The following CDH23 variants were observed in gnomAD, a reference collection of about 807,000 sequenced individuals.
CDH23 encodes cadherin related 23.
Under a neutral mutation model 317.1 loss-of-function variants are expected in CDH23, and 189 were observed. The ratio of observed to expected loss-of-function variants is 0.60; its 90% CI spans 0.53 to 0.67. The LOEUF (loss-of-function observed/expected upper bound fraction) is 0.67. CDH23 is among the 30% of genes least tolerant of loss of function. The pLI is 0.00. For synonymous variants in CDH23, 1,839 were observed against 1,876.8 expected (o/e 0.98, Z 0.52); for missense variants, 4,401 against 4,592.4 (o/e 0.96, Z 1.20).
rs764799502 is a variant in CDH23 at position 71,805,910 on chromosome 10, G to A, written c.7977G>A (p.Arg2659=). Residue 2659 remains arginine (R), a synonymous_variant, in exon 56 of 70, where the codon CGG becomes CGA. Transcript: ENST00000224721. ...GCTTCCTGAAGACTGCGGGCAACCG[G>A]GACTGGGAGTTCTTCATCATCGACC... The part of the protein sequence containing the change: ...RYSFLKTAGN[R]DWEFFIIDPI... 1.2e-6 allele frequency: 2 copies of A among 1,613,704 alleles called. No individual in the cohort carries two copies. Among genetic ancestry groups the A allele is most frequent in the South Asian group, 2.2e-5 (2 of 90,968 alleles).
intron 38 of CDH23, chr10:71,760,836 A>G (rs776961306): frequency 6.3e-7 from 1 of 1,599,708 alleles, no homozygotes; most frequent in South Asian, 1.1e-5. Flanking sequence ...GAAAACAGAG[A>G]ACCCAAAAGG....
At chr10:71,670,101 A>G (rs1864082257) in intron 14 of CDH23, among the ~76,000 whole-genome samples, 1 of 152,238 alleles carries the variant, frequency 6.6e-6, no homozygotes, top group African/African-American at 2.4e-5. Context: ...CTGCTCCTGC[A>G]CATCCTCTGT....
Position 71,487,842 on chromosome 10 carries a change from C to T in CDH23, c.146-22240C>T, listed in dbSNP as rs558637602. Among the ~76,000 whole-genome samples the T allele has an allele frequency of 7.9e-5, 12 of 152,312 alleles. No homozygotes were observed. The South Asian group carries it at 2.5e-3, about 32-fold the overall frequency. On this transcript the variant is annotated intron_variant, in intron 3 of 69. Coordinates refer to ENST00000224721, the MANE Select transcript of CDH23 (RefSeq NM_022124.6). ...TCCTCAGGCCAGCTACTATTCTCACCTCTCTCCTTCTCCCACCCCATGCAT... is the reference window on the plus strand; with the variant it reads ...TCCTCAGGCCAGCTACTATTCTCACTTCTCTCCTTCTCCCACCCCATGCAT...
chr10:71,540,114 C>T (rs1222331115), intron 6 of CDH23, among the ~76,000 whole-genome samples: 1 of 152,178 alleles, frequency 6.6e-6, no homozygotes, highest in African/African-American at 2.4e-5. Context: ...GGATGTGGGG[C>T]ATAGGCCATC....
chr10:71,745,586 C>T (rs1186555102), intron 38 of CDH23, among the ~76,000 whole-genome samples: 2 of 152,204 alleles, frequency 1.3e-5, no homozygotes, highest in African/African-American at 4.8e-5. Flanking sequence ...GTCCTGCAGC[C>T]CACAGTGCCT....
At position 71,677,657 on chromosome 10, in the gene CDH23, G is replaced by A. The variant is rs769649532; in HGVS notation, c.1716G>A (p.Glu572=). Reference sequence around the variant, plus strand: ...ATGCCTACGTGGGTGCTCTGCGGGAGAACGAGCCTTCTGTCACACAGCTGG... The same window carrying A: ...ATGCCTACGTGGGTGCTCTGCGGGAAAACGAGCCTTCTGTCACACAGCTGG... ...QKDAYVGALR[E]NEPSVTQLVR... Residue 572 remains glutamate (E), a synonymous_variant, in exon 16 of 70, where the codon GAG becomes GAA. Coordinates refer to ENST00000224721, the MANE Select transcript of CDH23 (RefSeq NM_022124.6). 2.0e-5 allele frequency: 32 copies of A among 1,576,390 alleles called. No individual in the cohort carries two copies. The highest frequency in any genetic ancestry group is 2.8e-5 in the Non-Finnish European group (32 of 1,161,380).
intron 9 of CDH23, among the ~76,000 whole-genome samples, chr10:71,594,623 C>T (rs1335684570): frequency 6.6e-6 from 1 of 152,204 alleles, no homozygotes; most frequent in East Asian, 1.9e-4. Context: ...TCTCTGCCCG[C>T]CTTGGCCTCC....
intron 6 of CDH23, among the ~76,000 whole-genome samples, chr10:71,540,991 C>T (rs994021271): frequency 1.3e-5 from 2 of 152,036 alleles, no homozygotes; most frequent in African/African-American, 4.8e-5. Context: ...AACTCCATCC[C>T]TCTGGTGGTC....
intron 58 of CDH23, 23 bp downstream of exon 58, chr10:71,807,429 C>G (rs745992430): frequency 2.3e-5 from 37 of 1,613,324 alleles, no homozygotes; most frequent in Non-Finnish European, 3.1e-5. Context: ...AGAGCTAGTG[C>G]CCTGATTACC....
intron 12 of CDH23, 190 bp from the exon 13 acceptor site, chr10:71,645,641 C>A: frequency 1.3e-6 from 1 of 767,220 alleles, no homozygotes. Flanking sequence ...TTCCAGAGGG[C>A]CTAGACATGG....
In CDH23 at chr10:71,600,812, G is replaced by A. The variant is rs116544856; in HGVS notation, c.833-14692G>A. Among the ~76,000 whole-genome samples the A allele has an allele frequency of 4.7e-4, 72 of 152,214 alleles. 1 individual carries two copies. The highest frequency in any genetic ancestry group is 1.6e-3 in the African/African-American group (66 of 41,516). On this transcript the variant is annotated intron_variant, in intron 9 of 69. Transcript: ENST00000224721. ...ATTACAGGCTTGAGCCACCATGCCC[G>A]GCAGACCACAGAGCTTTTAAAAGTT...
At chr10:71,678,390 T>G (rs1192632266) in intron 16 of CDH23, among the ~76,000 whole-genome samples, 2 of 152,124 alleles carry the variant, frequency 1.3e-5, no homozygotes, top group African/African-American at 4.8e-5. Context: ...AATGCTATTC[T>G]CCAAGTGCTT....
At chr10:71,565,535 G>T (rs1012896370) in intron 6 of CDH23, among the ~76,000 whole-genome samples, 2 of 152,186 alleles carry the variant, frequency 1.3e-5, no homozygotes, top group Non-Finnish European at 1.5e-5. Flanking sequence ...GGATCATGGT[G>T]CCAGGGGAGT....
At chr10:71,448,379 G>A (rs1850273651) in intron 3 of CDH23, among the ~76,000 whole-genome samples, 1 of 152,238 alleles carries the variant, frequency 6.6e-6, no homozygotes, top group Non-Finnish European at 1.5e-5. Context: ...GCCCTGTTAA[G>A]GCTGCACTTG....
At chr10:71,504,304 A>G (rs1188538367) in intron 3 of CDH23, among the ~76,000 whole-genome samples, 1 of 152,166 alleles carries the variant, frequency 6.6e-6, no homozygotes, top group Non-Finnish European at 1.5e-5. Flanking sequence ...ATCACATTGT[A>G]CTGTATTTGT....
At chr10:71,770,708 G>A (rs1023191708) in intron 38 of CDH23, among the ~76,000 whole-genome samples, 3 of 152,162 alleles carry the variant, frequency 2.0e-5, no homozygotes, top group African/African-American at 4.8e-5. Flanking sequence ...CACTGTGTGC[G>A]GATAGGGAGG....
intron 9 of CDH23, among the ~76,000 whole-genome samples, chr10:71,607,457 A>G (rs2132492765): frequency 6.6e-6 from 1 of 152,340 alleles, no homozygotes; most frequent in East Asian, 1.9e-4. Context: ...GGGTTTTGTG[A>G]GACTGAATAA....
In CDH23 at chr10:71,464,642, T is replaced by A. The variant is rs138350539; in HGVS notation, c.145+18247T>A. 2.0e-4 allele frequency among the ~76,000 whole-genome samples: 29 copies of A among 144,086 alleles called. No individual in the cohort carries two copies. The East Asian group carries it at 6.1e-3, about 30-fold the overall frequency. The allele number at this position is 144,086 out of a possible 152,430, so 94.5% of individuals were successfully genotyped here. On this transcript the variant is annotated intron_variant, in intron 3 of 69. Coordinates refer to ENST00000224721, the MANE Select transcript of CDH23 (RefSeq NM_022124.6). ...TGCTGTCAGTTCCCAATGATGCCAA[T>A]GTCAGGGTGGTGGGGAGGGGGCTGG...
At chr10:71,547,436 A>G (rs1856343942) in intron 6 of CDH23, among the ~76,000 whole-genome samples, 1 of 152,240 alleles carries the variant, frequency 6.6e-6, no homozygotes, top group Non-Finnish European at 1.5e-5. Flanking sequence ...GAGAAGGGCA[A>G]CCAGGCAGGC....
Sources: gnomAD v4.1 joint callset for allele counts (sites outside exome capture counted in the v4.1 genomes callset) on GRCh38, gnomAD v4.1.1 for gene constraint, MANE v1.5 for transcripts, NCBI Gene and HGNC (gene_info 2026-07-23, HGNC 2026-07-21) for gene names.